The following ELP2 variants were observed in gnomAD, a reference collection of about 807,000 sequenced individuals.
The protein encoded by ELP2 is elongator acetyltransferase complex subunit 2, also known as elongator complex protein 2.
A neutral mutation model predicts 119.2 loss-of-function variants in ELP2; 90 were observed. That is an observed-to-expected ratio of 0.75 (90% CI 0.64 to 0.90). ELP2 has a LOEUF of 0.90. Among genes scored for constraint, ELP2 ranks in the 40% least tolerant of loss-of-function variants. The pLI is 0.00. For synonymous variants in ELP2, 339 were observed against 331.0 expected, an observed-to-expected ratio of 1.02 and a Z score of -0.26; for missense variants, 921 against 967.8, an observed-to-expected ratio of 0.95 and a Z score of 0.64.
chr18:36,135,863 G>A (rs1310413839), intron 2 of ELP2, among the ~76,000 whole-genome samples: 2 of 152,160 alleles, frequency 1.3e-5, no homozygotes, highest in East Asian at 3.8e-4. Flanking sequence ...AGACTAAAAA[G>A]ATTTGATATC....
intron 11 of ELP2, among the ~76,000 whole-genome samples, chr18:36,147,746 T>C (rs2090255885): frequency 6.6e-6 from 1 of 152,214 alleles, no homozygotes; most frequent in Admixed American, 6.5e-5. Flanking sequence ...TTTATGAGGC[T>C]TAAATGAGTT....
intron 5 of ELP2, among the ~76,000 whole-genome samples, chr18:36,139,131 A>T (rs539643011): frequency 6.6e-6 from 1 of 152,222 alleles, no homozygotes; most frequent in East Asian, 1.9e-4. Flanking sequence ...ACTGTTATCA[A>T]ATATACTGTG....
At chr18:36,166,443 G>A (rs1190002709) in intron 18 of ELP2, among the ~76,000 whole-genome samples, 1 of 140,308 alleles carries the variant, frequency 7.1e-6, no homozygotes, top group African/African-American at 2.6e-5. Context: ...TGATTCTCCT[G>A]CCTCAGCCTC....
rs531803765 is a variant in ELP2 at position 36,176,406 on chromosome 18, T to C, written c.*1765T>C. 6.6e-6 allele frequency: 1 copy of C among 152,218 alleles called. No homozygotes were observed. Among genetic ancestry groups the C allele is most frequent in the Non-Finnish European group, 1.5e-5 (1 of 68,056 alleles). 9.4% of individuals were successfully genotyped at this position (152,218 alleles called of 1,614,324 possible). The stretch of plus-strand genomic sequence containing the variant: ...AGGAATCTTTACCCACATTGACACA[T>C]GGGCTTGTTCTGACCCAAGTGCATG... On this transcript the variant is annotated 3_prime_UTR_variant, in exon 22 of 22. Coordinates refer to ENST00000358232, the MANE Select transcript of ELP2 (RefSeq NM_018255.4).
At chr18:36,138,728 C>T (rs1306872531) in intron 4 of ELP2, 67 bp from the exon 5 acceptor site, 2 of 1,317,964 alleles carry the variant, frequency 1.5e-6, no homozygotes, top group African/African-American at 1.4e-5. Flanking sequence ...ATGATGCTAT[C>T]CAACCTGTCT....
Position 36,177,806 on chromosome 18 carries a change from C to T in ELP2, c.*3165C>T, listed in dbSNP as rs2091259701. On this transcript the variant is annotated 3_prime_UTR_variant, in exon 22 of 22. Coordinates refer to ENST00000358232, the MANE Select transcript of ELP2 (RefSeq NM_018255.4). ...TTCTTTATTGCAGGAATTCTAAGAGCATTTAACAAATTAATTTACACTGGG... is the reference window on the plus strand; with the variant it reads ...TTCTTTATTGCAGGAATTCTAAGAGTATTTAACAAATTAATTTACACTGGG... 1 of 152,124 alleles carries T rather than the reference C, an allele frequency of 6.6e-6. No individual in the cohort carries two copies. The highest frequency in any genetic ancestry group is 1.5e-5 in the Non-Finnish European group (1 of 68,024). 9.4% of individuals were successfully genotyped at this position (152,124 alleles called of 1,614,324 possible). A position where few individuals can be genotyped will look rare whatever the true frequency, so the allele number is the denominator to read the frequency against.
chr18:36,148,905 A>G (rs1306664130), intron 11 of ELP2, among the ~76,000 whole-genome samples: 1 of 152,212 alleles, frequency 6.6e-6, no homozygotes, highest in East Asian at 1.9e-4. Context: ...ACACACAGTC[A>G]ATAATTAGTC....
Position 36,180,007 on chromosome 18 carries a change from G to C in ELP2, c.*5366G>C, listed in dbSNP as rs546618192. 3.9e-5 allele frequency: 6 copies of C among 152,318 alleles called. No individual in the cohort carries two copies. The highest frequency in any genetic ancestry group is 8.8e-5 in the Non-Finnish European group (6 of 68,036). 9.4% of individuals were successfully genotyped at this position (152,318 alleles called of 1,614,324 possible). On this transcript the variant is annotated 3_prime_UTR_variant, in exon 22 of 22. Coordinates refer to ENST00000358232, the MANE Select transcript of ELP2 (RefSeq NM_018255.4). The stretch of plus-strand genomic sequence containing the variant: ...AAAAAATTGTAAAATTTTCTTTCTG[G>C]TTTACGCAAGTTAAAAGTTTATTTC...
chr18:36,177,617 C>G lies in ELP2; in HGVS notation c.*2976C>G, dbSNP rs1480863255. On this transcript the variant is annotated 3_prime_UTR_variant, in exon 22 of 22. Transcript: ENST00000358232. Reference sequence around the variant, plus strand: ...AATGCTGTATGCCAACTCAACTGTACACTCTAAAATGGTTAAGATGGTAAA... The same window carrying G: ...AATGCTGTATGCCAACTCAACTGTAGACTCTAAAATGGTTAAGATGGTAAA... 1 of 152,096 alleles carries G rather than the reference C, an allele frequency of 6.6e-6. No homozygotes were observed. The highest frequency in any genetic ancestry group is 1.5e-5 in the Non-Finnish European group (1 of 68,020). 9.4% of individuals were successfully genotyped at this position (152,096 alleles called of 1,614,324 possible).
chr18:36,142,790 A>G (rs377519785), intron 7 of ELP2, 36 bp from the exon 8 acceptor site: 1 of 1,419,850 alleles, frequency 7.0e-7, no homozygotes, highest in South Asian at 1.2e-5. Context: ...TCACAATATA[A>G]TGTTTTAAAA....
chr18:36,144,917 A>G (rs2090150007), intron 8 of ELP2, 22 bp from the exon 9 acceptor site: 3 of 1,570,292 alleles, frequency 1.9e-6, no homozygotes, highest in Non-Finnish European at 1.8e-6. Context: ...AGGAAATAAT[A>G]CCTTCATTGC....
At chr18:36,138,210 T>G (rs766715470) in intron 3 of ELP2, 60 bp from the exon 4 acceptor site, 135 of 1,567,530 alleles carry the variant, frequency 8.6e-5, no homozygotes, top group Admixed American at 1.6e-4. Context: ...TTTATCCAAT[T>G]AAATAAAGGT....
intron 12 of ELP2, among the ~76,000 whole-genome samples, 163 bp downstream of exon 12, chr18:36,155,162 A>C (rs11663315): frequency 0.37 from 55,777 of 150,780 alleles, 11,179 homozygotes; most frequent in South Asian, 0.6. Flanking sequence ...ATAGGTGCCC[A>C]CCACCACACC....
chr18:36,166,911 C>A, intron 18 of ELP2, 190 bp from the exon 19 acceptor site: 1 of 422,266 alleles, frequency 2.4e-6, no homozygotes. Flanking sequence ...GCATTCCCTA[C>A]TAGAAAAATA....
At chr18:36,164,128 T>A (rs1428716177) in intron 17 of ELP2, among the ~76,000 whole-genome samples, 4 of 152,142 alleles carry the variant, frequency 2.6e-5, no homozygotes, top group African/African-American at 4.8e-5. Context: ...ATTTTCATTT[T>A]TTTCCCCCTT....
At chr18:36,155,264 T>TCCCCCCC (rs60227416) in intron 12 of ELP2, among the ~76,000 whole-genome samples, 1 of 100,286 alleles carries the variant, frequency 1.0e-5, no homozygotes, top group African/African-American at 4.3e-5. Flanking sequence ...GCACCGCCCC[T>TCCCCCCC]CCCCCCCCCC....
At chr18:36,169,423 G>A (rs1368963221) in intron 19 of ELP2, among the ~76,000 whole-genome samples, 4 of 145,726 alleles carry the variant, frequency 2.7e-5, no homozygotes, top group Non-Finnish European at 4.5e-5. Flanking sequence ...TTTCACTCTT[G>A]TTGCTCAGGC....
At position 36,170,115 on chromosome 18, in the gene ELP2, T is replaced by C; in HGVS notation, c.2129T>C (p.Ile710Thr). The C allele has an allele frequency of 6.2e-7, 1 of 1,614,094 alleles. No individual in the cohort carries two copies. Among genetic ancestry groups the C allele is most frequent in the Non-Finnish European group, 8.5e-7 (1 of 1,179,992 alleles). ...DSTDDCIEHN[I>T]GPCSSVLDVG... ...ACTGATGACTGTATTGAGCACAACA[T>C]TGGCCCCTGCTCCTCAGTCCTGGAC... Residue 710 changes from isoleucine (I) to threonine (T), a missense_variant, in exon 20 of 22, where the codon ATT becomes ACT. Transcript: ENST00000358232.
chr18:36,159,625 T>G (rs1361087237), intron 14 of ELP2, 110 bp from the exon 15 acceptor site: 1 of 823,476 alleles, frequency 1.2e-6, no homozygotes, highest in East Asian at 2.4e-5. Flanking sequence ...CAGCTGTGAA[T>G]TGCACCACTT....
Sources: gnomAD v4.1 joint callset for allele counts (sites outside exome capture counted in the v4.1 genomes callset) on GRCh38, gnomAD v4.1.1 for gene constraint, MANE v1.5 for transcripts, NCBI Gene and HGNC (gene_info 2026-07-23, HGNC 2026-07-21) for gene names.